The following FUT8 variants were observed in gnomAD, a reference collection of about 807,000 sequenced individuals.
FUT8 encodes fucosyltransferase 8.
FUT8 carries 29 observed loss-of-function variants against 71.3 expected under a neutral mutation model. That is an observed-to-expected ratio of 0.41 (90% CI 0.30 to 0.55). The LOEUF (loss-of-function observed/expected upper bound fraction) is 0.55, where lower values mean the gene tolerates loss of function less well. Ranked by LOEUF, FUT8 falls within the 20% of genes least tolerant of loss-of-function variation. The pLI is 0.34. For missense variants in FUT8, 544 were observed against 702.1 expected (o/e 0.77, Z 2.55); for synonymous variants, 254 against 239.3 (o/e 1.06, Z -0.57).
intron 3 of FUT8, among the ~76,000 whole-genome samples, 187 bp from the exon 4 acceptor site, chr14:65,615,791 T>C (rs1889249401): frequency 6.6e-6 from 1 of 152,226 alleles, no homozygotes; most frequent in Non-Finnish European, 1.5e-5. Context: ...TTCGTTATTA[T>C]CATTTCATTG....
intron 2 of FUT8, among the ~76,000 whole-genome samples, chr14:65,541,991 T>A (rs895555996): frequency 3.3e-5 from 5 of 152,192 alleles, no homozygotes; most frequent in Non-Finnish European, 7.3e-5. Flanking sequence ...ACTTACTGGC[T>A]TTATGACCTT....
chr14:65,399,372 C>T, the FUT8 span, among the ~76,000 whole-genome samples: 1 of 152,138 alleles, frequency 6.6e-6, no homozygotes, highest in African/African-American at 2.4e-5. Flanking sequence ...TCAAAACAGA[C>T]CACTGACCAA....
intron 7 of FUT8, among the ~76,000 whole-genome samples, chr14:65,700,542 C>T (rs1262219944): frequency 1.3e-5 from 2 of 151,868 alleles, no homozygotes; most frequent in Non-Finnish European, 2.9e-5. Context: ...AGGCACCCGC[C>T]ACCACACCTG....
At chr14:65,609,661 A>G (rs970003265) in intron 3 of FUT8, among the ~76,000 whole-genome samples, 21 of 151,960 alleles carry the variant, frequency 1.4e-4, no homozygotes, top group African/African-American at 4.6e-4. Context: ...ATGTAGTTTT[A>G]TAATAGGTCT....
intron 10 of FUT8, among the ~76,000 whole-genome samples, chr14:65,738,393 C>G (rs746275413): frequency 2.6e-5 from 4 of 152,040 alleles, no homozygotes; most frequent in Non-Finnish European, 4.4e-5. Flanking sequence ...GGATGAAATT[C>G]AGACTAATGG....
At chr14:65,633,265 C>A (rs1319833809) in intron 6 of FUT8, among the ~76,000 whole-genome samples, 1 of 152,216 alleles carries the variant, frequency 6.6e-6, no homozygotes, top group Admixed American at 6.5e-5. Context: ...GAGTGATCCG[C>A]CAGCCTCGGC....
At chr14:65,580,448 A>G (rs1887028979) in intron 3 of FUT8, among the ~76,000 whole-genome samples, 1 of 151,894 alleles carries the variant, frequency 6.6e-6, no homozygotes, top group Non-Finnish European at 1.5e-5. Flanking sequence ...AATACTGTAT[A>G]TAATACATAT....
the FUT8 span, among the ~76,000 whole-genome samples, chr14:65,364,366 G>A: frequency 8.5e-5 from 13 of 152,122 alleles, no homozygotes; most frequent in Middle Eastern, 3.4e-3. Context: ...ACCATGCCCA[G>A]CTAATTTTGT....
rs1331810793 is a variant in FUT8, at chr14:65,413,407, G to T, written c.-326+193G>T. ...CCGGGACGCTCTGGCGGATGCCTTG[G>T]CGCAGCCCCGGGGGCGCGGGCAGAG... is the stretch of plus-strand genomic sequence containing the variant. On this transcript the variant is annotated intron_variant, in intron 1 of 10. Coordinates refer to ENST00000673929, the MANE Select transcript of FUT8 (RefSeq NM_001371533.1). The surrounding 1 kb of genome is among the most constrained non-coding windows in gnomAD (Gnocchi z 4.1). Among the ~76,000 whole-genome samples the T allele has an allele frequency of 6.6e-6, 1 of 152,104 alleles. No homozygotes were observed. The highest frequency in any genetic ancestry group is 1.5e-5 in the Non-Finnish European group (1 of 68,012).
At chr14:65,693,447 G>C (rs1010261178) in intron 7 of FUT8, among the ~76,000 whole-genome samples, 2 of 152,220 alleles carry the variant, frequency 1.3e-5, no homozygotes, top group Non-Finnish European at 2.9e-5. Flanking sequence ...AGTGAGCCGA[G>C]ACGGCGAGAT....
chr14:65,597,718 T>C (rs534810685), intron 3 of FUT8, among the ~76,000 whole-genome samples: 1 of 151,996 alleles, frequency 6.6e-6, no homozygotes, highest in South Asian at 2.1e-4. Flanking sequence ...CAGAATTTTT[T>C]TTTGGAGGCT....
chr14:65,441,798 A>T (rs2065661553), intron 1 of FUT8, among the ~76,000 whole-genome samples: 1 of 134,474 alleles, frequency 7.4e-6, no homozygotes, highest in South Asian at 2.4e-4. Context: ...ATTTACTCAG[A>T]TTTTTTTTTT....
intron 7 of FUT8, among the ~76,000 whole-genome samples, chr14:65,693,033 A>G (rs1214396049): frequency 1.3e-5 from 2 of 149,526 alleles, no homozygotes; most frequent in Admixed American, 6.7e-5. Context: ...CTGGGCAGCC[A>G]GGCAGAGGGG....
intron 1 of FUT8, among the ~76,000 whole-genome samples, chr14:65,449,160 T>C (rs1413115981): frequency 2.0e-5 from 3 of 152,226 alleles, no homozygotes; most frequent in Non-Finnish European, 2.9e-5. Flanking sequence ...TACTAGTTTA[T>C]GTTGATGATG....
At chr14:65,476,450 G>A (rs1024357879) in intron 2 of FUT8, among the ~76,000 whole-genome samples, 14 of 152,122 alleles carry the variant, frequency 9.2e-5, no homozygotes, top group East Asian at 3.9e-4. Flanking sequence ...GTCTGTTAAT[G>A]TGTGAAATGT....
intron 2 of FUT8, among the ~76,000 whole-genome samples, chr14:65,522,948 A>G (rs1367044247): frequency 3.9e-5 from 6 of 152,144 alleles, no homozygotes; most frequent in Non-Finnish European, 8.8e-5. Context: ...TATATGTGCC[A>G]CATTTTCTCA....
intron 3 of FUT8, among the ~76,000 whole-genome samples, chr14:65,577,514 G>A (rs77019382): frequency 0.028 from 4,266 of 152,190 alleles, 208 homozygotes; most frequent in African/African-American, 0.096. Flanking sequence ...GAAGATTTTT[G>A]TGTATTAGTA....
chr14:65,729,626 C>T (rs148711536), intron 9 of FUT8, among the ~76,000 whole-genome samples: 6 of 152,050 alleles, frequency 3.9e-5, no homozygotes, highest in African/African-American at 1.4e-4. Flanking sequence ...ATGATCCTCC[C>T]ACCTCAGCCA....
At chr14:65,691,809 G>C (rs887849165) in intron 7 of FUT8, among the ~76,000 whole-genome samples, 2 of 151,732 alleles carry the variant, frequency 1.3e-5, no homozygotes, top group Admixed American at 1.3e-4. Context: ...GACTCTTAAC[G>C]AGCATGCTGC....
Sources: gnomAD v4.1 joint callset for allele counts (sites outside exome capture counted in the v4.1 genomes callset) on GRCh38, gnomAD v4.1.1 for gene constraint, Gnocchi (gnomAD v3.1) non-coding constraint, MANE v1.5 for transcripts, NCBI Gene and HGNC (gene_info 2026-07-23, HGNC 2026-07-21) for gene names.